The following NDRG2 variants were observed in gnomAD, a reference collection of about 807,000 sequenced individuals.
NDRG2 encodes the protein protein NDRG2.
In NDRG2, 34 loss-of-function variants were observed where a neutral mutation model predicts 58.2. The ratio of observed to expected loss-of-function variants is 0.58; its 90% CI spans 0.44 to 0.78. NDRG2 has a LOEUF of 0.78. Among genes scored for constraint, NDRG2 ranks in the 30% least tolerant of loss-of-function variants. NDRG2 has a pLI of 0.00. For synonymous variants in NDRG2, 187 were observed against 175.9 expected (o/e 1.06, Z -0.50); for missense variants, 434 against 471.2 (o/e 0.92, Z 0.73).
intron 1 of NDRG2, among the ~76,000 whole-genome samples, chr14:21,053,966 G>C (rs147725199): frequency 5.0e-4 from 76 of 152,322 alleles, no homozygotes; most frequent in African/African-American, 1.8e-3. Context: ...GGTGGGACCA[G>C]AATTCAGGGC....
At chr14:21,050,611 A>G (rs1885418648) in intron 1 of NDRG2, among the ~76,000 whole-genome samples, 1 of 152,236 alleles carries the variant, frequency 6.6e-6, no homozygotes, top group Non-Finnish European at 1.5e-5. Context: ...GTAGTGCCCA[A>G]TGAGCTTGGG....
At chr14:21,069,428 A>T (rs2139182124) in intron 1 of NDRG2, among the ~76,000 whole-genome samples, 1 of 152,302 alleles carries the variant, frequency 6.6e-6, no homozygotes, top group South Asian at 2.1e-4. Flanking sequence ...GAATCCTCGA[A>T]CTGGAGGCCT....
rs117251490 is a variant in NDRG2, at chr14:21,023,099, A to G, written c.75+142T>C. 1.8e-3 allele frequency: 1,553 copies of G among 886,904 alleles called. 43 individuals carry two copies. In the East Asian group the frequency reaches 0.04, roughly 23 times the overall value. The allele number at this position is 886,904 out of a possible 1,614,324, so 54.9% of individuals were successfully genotyped here. ...AGACAAGGGCCTGACTCCCAATTAT[A>G]GTGTATGGGGAGAGAGACTAGGGTA... On this transcript the variant is annotated intron_variant, in intron 2 of 15. Coordinates refer to ENST00000556147, the MANE Select transcript of NDRG2 (RefSeq NM_001320329.2).
intron 6 of NDRG2, 137 bp from the exon 7 acceptor site, chr14:21,020,981 G>A (rs1328681370): frequency 9.9e-7 from 1 of 1,007,374 alleles, no homozygotes; most frequent in East Asian, 2.5e-5. Context: ...TTCTTTGGAG[G>A]ACGCGAAAAA....
At chr14:21,022,953 G>T in intron 2 of NDRG2, 48 bp from the exon 3 acceptor site, 1 of 1,603,918 alleles carries the variant, frequency 6.2e-7, no homozygotes, top group Middle Eastern at 1.7e-4. Flanking sequence ...ACCATGTGGC[G>T]TCCCAGATGG....
At chr14:21,063,917 T>G (rs1166600724) in intron 1 of NDRG2, among the ~76,000 whole-genome samples, 4 of 152,196 alleles carry the variant, frequency 2.6e-5, no homozygotes, top group African/African-American at 7.2e-5. Flanking sequence ...CTCTAAGTAT[T>G]CAAAACTCCC....
chr14:21,058,168 C>T lies in NDRG2; in HGVS notation c.24+12660G>A, dbSNP rs370634122. On this transcript the variant is annotated intron_variant, in intron 1 of 14. Transcript: ENST00000403829. The stretch of plus-strand genomic sequence containing the variant: ...CCCCCAACATAGCCTGCAAGAATAG[C>T]TGTAAAAACTGCCACCAGAGCCACG... The T allele has an allele frequency of 3.1e-6, 5 of 1,614,026 alleles. No homozygotes were observed. The Admixed American group carries it at 5.0e-5, about 16-fold the overall frequency.
At chr14:21,047,486 GACTATTCA>G (rs1402655504) in intron 1 of NDRG2, among the ~76,000 whole-genome samples, 1 of 152,190 alleles carries the variant, frequency 6.6e-6, no homozygotes, top group East Asian at 1.9e-4. Context: ...ATAGGAATTT[GACTATTCA>G]GCCTTCCAAA....
chr14:21,043,582 C>A, intron 1 of NDRG2: 1 of 733,628 alleles, frequency 1.4e-6, no homozygotes. Flanking sequence ...CCTGGTTCAG[C>A]CTCTGCTGGG....
At chr14:21,022,767 A>T in intron 3 of NDRG2, 97 bp downstream of exon 3, 1 of 1,239,826 alleles carries the variant, frequency 8.1e-7, no homozygotes, top group Non-Finnish European at 1.1e-6. Context: ...GAAGGAAAGA[A>T]AGCAAAGAGA....
In NDRG2 at chr14:21,024,853, AAC is replaced by A; in HGVS notation, c.-832_-831del. 2.0e-6 allele frequency: 2 copies of A among 985,574 alleles called. No homozygotes were observed. Among genetic ancestry groups the A allele is most frequent in the African/African-American group, 3.5e-5 (2 of 57,326 alleles). 61.1% of individuals were successfully genotyped at this position (985,574 alleles called of 1,614,324 possible). On this transcript the variant is annotated 5_prime_UTR_variant, in exon 1 of 16. Transcript: ENST00000556147. The stretch of plus-strand genomic sequence containing the variant: ...TGCACACAACCTCGCGCGCACCCCA[AAC>A]ACGCCCTGCAGCTCTTGGAGCCTCA...
intron 1 of NDRG2, among the ~76,000 whole-genome samples, chr14:21,035,034 G>A (rs1330765546): frequency 1.5e-4 from 23 of 152,228 alleles, no homozygotes; most frequent in Admixed American, 1.5e-3. Context: ...GGAACAAAGT[G>A]CTTCTTATTC....
chr14:21,052,650 G>T (rs1007849773), intron 1 of NDRG2, among the ~76,000 whole-genome samples: 1 of 152,204 alleles, frequency 6.6e-6, no homozygotes, highest in East Asian at 1.9e-4. Flanking sequence ...TAGACTGGAC[G>T]CAAGGTGAGT....
chr14:21,031,134 A>G (rs1312466290), intron 1 of NDRG2: 1 of 1,614,106 alleles, frequency 6.2e-7, no homozygotes, highest in Admixed American at 1.7e-5. Context: ...GGACTCATGG[A>G]GGGCAAAGAC....
At chr14:21,040,233 G>T (rs1475549864) in intron 1 of NDRG2, among the ~76,000 whole-genome samples, 1 of 152,146 alleles carries the variant, frequency 6.6e-6, no homozygotes, top group African/African-American at 2.4e-5. Context: ...AACCAGAAGA[G>T]CCAGAGGCCT....
At chr14:21,045,267 A>G (rs1885094177) in intron 1 of NDRG2, among the ~76,000 whole-genome samples, 1 of 152,192 alleles carries the variant, frequency 6.6e-6, no homozygotes, top group Admixed American at 6.5e-5. Flanking sequence ...GAAAGTAAGG[A>G]AAGGATGATT....
intron 1 of NDRG2, among the ~76,000 whole-genome samples, chr14:21,039,043 G>A (rs923500504): frequency 2.6e-5 from 4 of 152,210 alleles, no homozygotes; most frequent in African/African-American, 7.2e-5. Context: ...ATCTGCTTTT[G>A]CTTGGAAGGG....
At chr14:21,033,778 G>A in intron 1 of NDRG2, 1 of 1,266,812 alleles carries the variant, frequency 7.9e-7, no homozygotes, top group South Asian at 1.2e-5. Flanking sequence ...AATGGAGACA[G>A]CTGGCCTGTG....
chr14:21,033,849 A>G (rs374644807), intron 1 of NDRG2: 18 of 1,613,424 alleles, frequency 1.1e-5, no homozygotes, highest in Non-Finnish European at 1.5e-5. Flanking sequence ...AGCGATACCT[A>G]TTGGATCAGC....
Sources: allele counts gnomAD v4.1 joint callset (sites outside exome capture counted in the v4.1 genomes callset), GRCh38; gene constraint gnomAD v4.1.1; transcripts MANE v1.5; gene names NCBI Gene and HGNC (gene_info 2026-07-23, HGNC 2026-07-21).